PTPRK: variants seen among roughly 807,000 people sequenced by gnomAD.
The protein encoded by PTPRK is receptor-type tyrosine-protein phosphatase kappa.
In PTPRK, 75 loss-of-function variants were observed where a neutral mutation model predicts 178.0. That is an observed-to-expected ratio of 0.42 (90% CI 0.35 to 0.51). The LOEUF (loss-of-function observed/expected upper bound fraction) is 0.51. Ranked by LOEUF, PTPRK falls within the 20% of genes least tolerant of loss-of-function variation. The pLI is 0.02. For synonymous variants in PTPRK, 637 were observed against 620.6 expected, an observed-to-expected ratio of 1.03 and a Z score of -0.39; for missense variants, 1,441 against 1,797.8, an observed-to-expected ratio of 0.80 and a Z score of 3.59.
intron 11 of PTPRK, among the ~76,000 whole-genome samples, chr6:128,070,302 A>C (rs1256573892): frequency 6.6e-6 from 1 of 152,028 alleles, no homozygotes; most frequent in Non-Finnish European, 1.5e-5. Context: ...AGTGTTACCA[A>C]CTGAATATTT....
intron 15 of PTPRK, chr6:128,000,448 C>G: frequency 1.7e-6 from 1 of 604,450 alleles, no homozygotes; most frequent in Non-Finnish European, 2.3e-6. Flanking sequence ...TTGTAGCATT[C>G]ATTCCTAAAA....
chr6:127,992,716 T>C lies in PTPRK; in HGVS notation c.2845-7A>G. 2 of 1,573,540 alleles carry C rather than the reference T, an allele frequency of 1.3e-6. No individual in the cohort carries two copies. Among genetic ancestry groups the C allele is most frequent in the South Asian group, 2.4e-5 (2 of 82,774 alleles). On this transcript the variant is annotated splice_polypyrimidine_tract_variant and splice_region_variant and intron_variant, in intron 18 of 29. Coordinates refer to ENST00000368226, the MANE Select transcript of PTPRK (RefSeq NM_002844.4). ...GACTTGGTCTCTGGTAGCCCTAAAA[T>C]AAGAGAACAAATTAGTTATCATTTT...
chr6:128,317,851 G>A (rs140537327), intron 3 of PTPRK, among the ~76,000 whole-genome samples: 3 of 152,154 alleles, frequency 2.0e-5, no homozygotes, highest in African/African-American at 4.8e-5. Flanking sequence ...GAACTGTGTC[G>A]CATATAGCCA....
chr6:128,472,538 T>C (rs1378487512), intron 1 of PTPRK, among the ~76,000 whole-genome samples: 1 of 151,854 alleles, frequency 6.6e-6, no homozygotes, highest in African/African-American at 2.4e-5. Context: ...TGAATATCCC[T>C]TACCCAAGTT....
intron 15 of PTPRK, among the ~76,000 whole-genome samples, chr6:128,002,256 C>T: frequency 6.6e-6 from 1 of 151,544 alleles, no homozygotes; most frequent in South Asian, 2.1e-4. Context: ...AACAAAAATA[C>T]AAGCATAAAA....
intron 2 of PTPRK, among the ~76,000 whole-genome samples, chr6:128,379,288 G>A (rs997862484): frequency 6.6e-6 from 1 of 152,016 alleles, no homozygotes; most frequent in African/African-American, 2.4e-5. Flanking sequence ...GCTATATGAT[G>A]CACTGCCATG....
At chr6:128,217,839 A>G (rs570773280) in intron 6 of PTPRK, among the ~76,000 whole-genome samples, 1 of 152,258 alleles carries the variant, frequency 6.6e-6, no homozygotes, top group East Asian at 1.9e-4. Context: ...TGATAGTTTT[A>G]CAGTCTCAGC....
At chr6:128,510,670 C>A (rs1857042078) in intron 1 of PTPRK, among the ~76,000 whole-genome samples, 1 of 152,028 alleles carries the variant, frequency 6.6e-6, no homozygotes, top group South Asian at 2.1e-4. Flanking sequence ...ATCTGAAAAC[C>A]AAGCAGTTAT....
chr6:128,195,128 T>A lies in PTPRK; in HGVS notation c.869-10403A>T, dbSNP rs998162940. Among the ~76,000 whole-genome samples the A allele has an allele frequency of 2.4e-4, 37 of 151,250 alleles. 1 individual carries two copies. The highest frequency in any genetic ancestry group is 8.9e-4 in the African/African-American group (36 of 40,612). ...CTTCCACATCTAGAATATAAATACA[T>A]TTGTAAAATGTCATCAGCCTAAATT... On this transcript the variant is annotated intron_variant, in intron 6 of 29. Transcript: ENST00000368226.
intron 3 of PTPRK, among the ~76,000 whole-genome samples, chr6:128,252,304 G>A (rs889158686): frequency 1.3e-5 from 2 of 152,164 alleles, no homozygotes; most frequent in Non-Finnish European, 2.9e-5. Flanking sequence ...ATTTCAGAGT[G>A]TATGCTAGTA....
intron 6 of PTPRK, among the ~76,000 whole-genome samples, chr6:128,212,369 T>C (rs997634537): frequency 1.3e-5 from 2 of 152,028 alleles, no homozygotes; most frequent in African/African-American, 2.4e-5. Flanking sequence ...GACTAAAAAA[T>C]CTTAGTTCAA....
At chr6:127,992,201 A>C (rs965030140) in intron 19 of PTPRK, among the ~76,000 whole-genome samples, 1 of 151,788 alleles carries the variant, frequency 6.6e-6, no homozygotes. Flanking sequence ...TTCCATGAAG[A>C]ATTAACTTGA....
At chr6:128,378,844 T>C (rs893476754) in intron 2 of PTPRK, among the ~76,000 whole-genome samples, 1 of 152,230 alleles carries the variant, frequency 6.6e-6, no homozygotes, top group East Asian at 1.9e-4. Context: ...AAATATCTTC[T>C]AGTTTTATCT....
rs1833630590 is a variant in PTPRK, at chr6:128,354,234, T to TTTTTTTG, written c.224-31925_224-31924insCAAAAAA. On this transcript the variant is annotated intron_variant, in intron 2 of 29. Coordinates refer to ENST00000368226, the MANE Select transcript of PTPRK (RefSeq NM_002844.4). Reference sequence around the variant, plus strand: ...TGTATTTTGGTTTTTTGTTTATGTTTTTTTTTTTTTTTTTTTTTTTTGAGA... The same window carrying TTTTTTTG: ...TGTATTTTGGTTTTTTGTTTATGTTTTTTTTTGTTTTTTTTTTTTTTTTTTTTTGAGA... 4.0e-5 allele frequency among the ~76,000 whole-genome samples: 3 copies of TTTTTTTG among 75,636 alleles called. 1 individual carries two copies. Among genetic ancestry groups the TTTTTTTG allele is most frequent in the East Asian group, 7.6e-4 (2 of 2,628 alleles). The allele number at this position is 75,636 out of a possible 152,430, so 49.6% of individuals were successfully genotyped here. A position where few individuals can be genotyped will look rare whatever the true frequency, so the allele number is the denominator to read the frequency against.
chr6:128,149,393 TG>T (rs1385091505), intron 7 of PTPRK, among the ~76,000 whole-genome samples: 1 of 152,132 alleles, frequency 6.6e-6, no homozygotes, highest in Admixed American at 6.6e-5. Context: ...ATATTAAACC[TG>T]AAATGTACTA....
rs549739451 is a variant in PTPRK at position 128,288,682 on chromosome 6, T to C, written c.495+33357A>G. ...TGATGAAACAAGAACATTTGAAACC[T>C]ACTATATTAAATTACAAATACTTTT... On this transcript the variant is annotated intron_variant, in intron 3 of 29. Coordinates refer to ENST00000368226, the MANE Select transcript of PTPRK (RefSeq NM_002844.4). Among the ~76,000 whole-genome samples, 6 of 152,236 alleles carry C rather than the reference T, an allele frequency of 3.9e-5. No homozygotes were observed. In the South Asian group the frequency reaches 1.2e-3, roughly 32 times the overall value.
chr6:128,210,473 G>A, intron 6 of PTPRK, among the ~76,000 whole-genome samples: 1 of 151,512 alleles, frequency 6.6e-6, no homozygotes, highest in Non-Finnish European at 1.5e-5. Context: ...TGGGGAATAA[G>A]AAGAAAGCTG....
intron 6 of PTPRK, among the ~76,000 whole-genome samples, chr6:128,190,611 G>C (rs1562758517): frequency 7.0e-6 from 1 of 143,428 alleles, no homozygotes; most frequent in Non-Finnish European, 1.5e-5. Context: ...CAATTCTCCT[G>C]CCTCTGCCTC....
chr6:128,278,369 A>G lies in PTPRK; in HGVS notation c.496-35767T>C, dbSNP rs144228388. On this transcript the variant is annotated intron_variant, in intron 3 of 29. Transcript: ENST00000368226. ...GACAGTGTTTCACTCTGTTTGCCAG[A>G]CTGGTCTTGAAATCCCGACTTTGTG... 5.3e-3 allele frequency among the ~76,000 whole-genome samples: 808 copies of G among 151,998 alleles called. 6 individuals carry two copies. Among genetic ancestry groups the G allele is most frequent in the African/African-American group, 0.018 (736 of 41,484 alleles).
Sources: allele counts gnomAD v4.1 joint callset (sites outside exome capture counted in the v4.1 genomes callset), GRCh38; gene constraint gnomAD v4.1.1; transcripts MANE v1.5; gene names NCBI Gene and HGNC (gene_info 2026-07-23, HGNC 2026-07-21).